The following ERC2 variants were observed in gnomAD, a reference collection of about 807,000 sequenced individuals.
ERC2 encodes ELKS/RAB6-interacting/CAST family member 2.
A neutral mutation model predicts 114.8 loss-of-function variants in ERC2; 42 were observed. The observed-to-expected ratio is 0.37, with a 90% CI of 0.29 to 0.47. The LOEUF is 0.47. Among genes scored for constraint, ERC2 ranks in the 20% least tolerant of loss-of-function variants. ERC2 has a pLI of 0.99. For missense variants in ERC2, 939 were observed against 1,150.7 expected (o/e 0.82, Z 2.66); for synonymous variants, 454 against 425.5 (o/e 1.07, Z -0.82).
At chr3:55,835,985 A>T (rs1214166434) in intron 14 of ERC2, among the ~76,000 whole-genome samples, 1 of 151,614 alleles carries the variant, frequency 6.6e-6, no homozygotes, top group South Asian at 2.1e-4. Flanking sequence ...CCAAATCATG[A>T]GTGAACTCCC....
chr3:56,029,356 G>A (rs946851447), intron 7 of ERC2, among the ~76,000 whole-genome samples: 18 of 151,796 alleles, frequency 1.2e-4, no homozygotes, highest in African/African-American at 4.1e-4. Flanking sequence ...TAAATTAGTA[G>A]GAAAGTGTTC....
At chr3:55,762,536 A>AT (rs1370083436) in intron 14 of ERC2, among the ~76,000 whole-genome samples, 1 of 151,998 alleles carries the variant, frequency 6.6e-6, no homozygotes, top group Non-Finnish European at 1.5e-5. Context: ...CCTTATTTTT[A>AT]TTTTTTTTAA....
At chr3:56,223,642 C>G (rs1002045252) in intron 3 of ERC2, among the ~76,000 whole-genome samples, 26 of 151,792 alleles carry the variant, frequency 1.7e-4, no homozygotes, top group African/African-American at 6.0e-4. Flanking sequence ...TTTTAAAATC[C>G]CTGCTTCTTG....
chr3:55,627,713 A>C (rs2059576853), intron 17 of ERC2, among the ~76,000 whole-genome samples: 1 of 152,146 alleles, frequency 6.6e-6, no homozygotes. Flanking sequence ...GAGACATCAC[A>C]AAAGAAAGTG....
chr3:56,252,618 G>A (rs1056699879), intron 3 of ERC2, among the ~76,000 whole-genome samples: 20 of 151,962 alleles, frequency 1.3e-4, no homozygotes, highest in African/African-American at 2.4e-5. Flanking sequence ...TTATCTGGGT[G>A]TGGTGGTGCA....
chr3:56,318,768 T>G (rs946423599), intron 2 of ERC2, among the ~76,000 whole-genome samples: 1 of 150,642 alleles, frequency 6.6e-6, no homozygotes, highest in Non-Finnish European at 1.5e-5. Flanking sequence ...TTCACGTCTA[T>G]TAGGATGGCT....
intron 5 of ERC2, among the ~76,000 whole-genome samples, chr3:56,145,895 A>G (rs2081108078): frequency 6.6e-6 from 1 of 152,124 alleles, no homozygotes; most frequent in East Asian, 1.9e-4. Context: ...GTGCCTATTT[A>G]AAATATTTTC....
At chr3:56,446,623 T>C (rs2062579426) in intron 1 of ERC2, among the ~76,000 whole-genome samples, 1 of 110,510 alleles carries the variant, frequency 9.0e-6, no homozygotes, top group African/African-American at 3.8e-5. Context: ...TTTTTTTTTT[T>C]TCTTTCTTTT....
At chr3:56,293,026 T>C (rs1560534913) in intron 3 of ERC2, among the ~76,000 whole-genome samples, 1 of 152,222 alleles carries the variant, frequency 6.6e-6, no homozygotes, top group Non-Finnish European at 1.5e-5. Flanking sequence ...TTGTTAATTA[T>C]CATTGCTATA....
intron 6 of ERC2, among the ~76,000 whole-genome samples, chr3:56,104,457 T>C (rs1343659655): frequency 3.3e-5 from 5 of 152,324 alleles, no homozygotes; most frequent in Non-Finnish European, 7.3e-5. Context: ...AATTTTCCCT[T>C]CTTAGACACT....
intron 14 of ERC2, among the ~76,000 whole-genome samples, chr3:55,809,813 C>G (rs1237535372): frequency 6.6e-6 from 1 of 152,070 alleles, no homozygotes; most frequent in Non-Finnish European, 1.5e-5. Context: ...ATTTTTGATC[C>G]CCCAAACTGC....
chr3:56,428,809 A>G (rs191627361), intron 2 of ERC2, among the ~76,000 whole-genome samples: 1 of 152,344 alleles, frequency 6.6e-6, no homozygotes, highest in African/African-American at 2.4e-5. Context: ...AAGCTGTAAC[A>G]TTCCCCAGAC....
intron 17 of ERC2, among the ~76,000 whole-genome samples, chr3:55,606,069 C>A (rs2058630325): frequency 6.6e-6 from 1 of 152,180 alleles, no homozygotes; most frequent in African/African-American, 2.4e-5. Context: ...TGGGTTTATT[C>A]TTTTCTGCCA....
intron 8 of ERC2, among the ~76,000 whole-genome samples, chr3:56,010,928 C>G (rs906134630): frequency 2.0e-5 from 3 of 152,228 alleles, no homozygotes; most frequent in Non-Finnish European, 4.4e-5. Flanking sequence ...GACTCCAGAC[C>G]TACCACAGCC....
chr3:56,274,001 T>G (rs1340236296), intron 3 of ERC2, among the ~76,000 whole-genome samples: 1 of 152,210 alleles, frequency 6.6e-6, no homozygotes, highest in Non-Finnish European at 1.5e-5. Context: ...TAAATCACAG[T>G]TGTCTCTTGG....
chr3:55,693,447 G>C (rs2062765225), intron 16 of ERC2, among the ~76,000 whole-genome samples: 1 of 152,080 alleles, frequency 6.6e-6, no homozygotes, highest in African/African-American at 2.4e-5. Context: ...GCAATCCACT[G>C]CCAAGAACCC....
intron 15 of ERC2, among the ~76,000 whole-genome samples, chr3:55,700,469 T>C (rs1254869346): frequency 6.6e-6 from 1 of 152,204 alleles, no homozygotes; most frequent in Non-Finnish European, 1.5e-5. Flanking sequence ...ATGAGAGGAA[T>C]AGTGCCTCTT....
At position 55,971,189 on chromosome 3, in the gene ERC2, G is replaced by C. The variant is rs376001453; in HGVS notation, c.2267+14788C>G. Among the ~76,000 whole-genome samples the C allele has an allele frequency of 2.8e-4, 42 of 152,078 alleles. No homozygotes were observed. The South Asian group carries it at 8.7e-3, about 32-fold the overall frequency. ...CTGGGGGAAAGAGGGAATAAATGAG[G>C]GAGAGGGGAGTGACTGCTAATGGGT... On this transcript the variant is annotated intron_variant, in intron 12 of 17. Coordinates refer to ENST00000288221, the MANE Select transcript of ERC2 (RefSeq NM_015576.3).
intron 1 of ERC2, among the ~76,000 whole-genome samples, chr3:56,448,268 T>C (rs1159168666): frequency 6.6e-6 from 1 of 152,220 alleles, no homozygotes; most frequent in Admixed American, 6.5e-5. Flanking sequence ...GGTTTTTACA[T>C]TGGTGCTAAC....
Sources: gnomAD v4.1 joint callset for allele counts (sites outside exome capture counted in the v4.1 genomes callset) on GRCh38, gnomAD v4.1.1 for gene constraint, MANE v1.5 for transcripts, NCBI Gene and HGNC (gene_info 2026-07-23, HGNC 2026-07-21) for gene names.